The following ZNF219 variants were observed in gnomAD, a reference collection of about 807,000 sequenced individuals.
ZNF219 encodes the protein zinc finger protein 219.
Under a neutral mutation model 54.4 loss-of-function variants are expected in ZNF219, and 17 were observed. The observed-to-expected ratio is 0.31, with a 90% CI of 0.21 to 0.47. The LOEUF (loss-of-function observed/expected upper bound fraction) is 0.47, where lower values mean the gene tolerates loss of function less well. Among genes scored for constraint, ZNF219 ranks in the 20% least tolerant of loss-of-function variants. ZNF219 has a pLI of 1.00. For missense variants in ZNF219, 1,014 were observed against 1,062.3 expected, an observed-to-expected ratio of 0.95 and a Z score of 0.63; for synonymous variants, 518 against 476.4, an observed-to-expected ratio of 1.09 and a Z score of -1.14.
At chr14:21,099,685 A>G (rs1213211347), upstream of ZNF219, among the ~76,000 whole-genome samples, 2 of 152,196 alleles carry the variant, frequency 1.3e-5, no homozygotes, top group Non-Finnish European at 2.9e-5. Flanking sequence ...AGCCACTAAC[A>G]TTGAGCACTT....
In ZNF219 at chr14:21,091,853, G is replaced by A. The variant is rs1004552405; in HGVS notation, c.1432+12C>T. 1 of 1,512,476 alleles carries A rather than the reference G, an allele frequency of 6.6e-7. No individual in the cohort carries two copies. The allele number at this position is 1,512,476 out of a possible 1,614,324, so 93.7% of individuals were successfully genotyped here. A position where few individuals can be genotyped will look rare whatever the true frequency, so the allele number is the denominator to read the frequency against. ...ACGCGGCGTACCCGGAGAGCGGAGG[G>A]TACCTACATACCCTGCGTGGCGGTC... On this transcript the variant is annotated intron_variant, in intron 3 of 4. Coordinates refer to ENST00000360947, the MANE Select transcript of ZNF219 (RefSeq NM_016423.3).
At chr14:21,102,836 C>T, upstream of ZNF219, 1 of 1,530,010 alleles carries the variant, frequency 6.5e-7, no homozygotes, top group Non-Finnish European at 8.8e-7. Flanking sequence ...TTTTCCACTG[C>T]CTATCCTGGT....
chr14:21,104,262 G>A (rs1307850684), intron 1 of ZNF219: 1 of 152,268 alleles, frequency 6.6e-6, no homozygotes, highest in Non-Finnish European at 1.5e-5. Flanking sequence ...CGCGGGAGCG[G>A]GACTGCGCAG....
upstream of ZNF219, chr14:21,103,582 C>T (rs1165605268): frequency 7.1e-6 from 2 of 281,414 alleles, no homozygotes; most frequent in South Asian, 3.9e-5. Flanking sequence ...ACCCTGCACA[C>T]GCCAACTCCC....
intron 1 of ZNF219, chr14:21,094,521 G>A (rs1889170764): frequency 2.4e-6 from 1 of 424,712 alleles, no homozygotes; most frequent in Non-Finnish European, 4.7e-6. Context: ...CCTCACACAA[G>A]AGGAGGATTA....
At chr14:21,102,275 AG>A, upstream of ZNF219, 2 of 1,406,366 alleles carry the variant, frequency 1.4e-6, no homozygotes, top group Non-Finnish European at 1.9e-6. Context: ...AAAAAAGTTA[AG>A]AGGGCTTATG....
At chr14:21,100,095 G>A (rs1889538843), upstream of ZNF219, among the ~76,000 whole-genome samples, 1 of 152,138 alleles carries the variant, frequency 6.6e-6, no homozygotes, top group Non-Finnish European at 1.5e-5. Context: ...AGACACAGTG[G>A]CCCACACCTG....
rs1888755183 is a variant in ZNF219, at chr14:21,090,570, G to T, written c.2135C>A (p.Pro712His). The T allele has an allele frequency of 6.2e-7, 1 of 1,606,948 alleles. No homozygotes were observed. Among genetic ancestry groups the T allele is most frequent in the Admixed American group, 1.7e-5 (1 of 59,744 alleles). The change falls in exon 5 of 5, where the codon CCC (proline) becomes CAC (histidine). Residue 712 changes from proline (P) to histidine (H), a missense_variant. This residue lies in a region of ZNF219 where 281 missense variants were observed against 271.2 expected (regional missense o/e 1.04). Coordinates refer to ENST00000360947, the MANE Select transcript of ZNF219 (RefSeq NM_016423.3). The surrounding 1 kb of genome is among the most constrained non-coding windows in gnomAD (Gnocchi z 4.4). Reference sequence around the variant, plus strand: ...TTGCCCCCCCAGCCCTGCCTCTCCGGGTCTGGACAGCCCGGAGCCCTCCTC... The same window carrying T: ...TTGCCCCCCCAGCCCTGCCTCTCCGTGTCTGGACAGCCCGGAGCCCTCCTC... ...EGEEGSGLSR[P>H]GEAGLGGQER
In ZNF219 at chr14:21,092,279, G is replaced by T. The variant is rs1327639190; in HGVS notation, c.1018C>A (p.Pro340Thr). 6.7e-7 allele frequency: 1 copy of T among 1,500,748 alleles called. No homozygotes were observed. The highest frequency in any genetic ancestry group is 2.1e-5 in the Admixed American group (1 of 47,556). 93.0% of individuals were successfully genotyped at this position (1,500,748 alleles called of 1,614,324 possible). A position where few individuals can be genotyped will look rare whatever the true frequency, so the allele number is the denominator to read the frequency against. ...PLRAPGPASG[P>T]ARAPQPPDLG... ...TCAGGAGGCTGGGGGGCGCGGGCAG[G>T]CCCGGAGGCAGGCCCCGGGGCACGC... is the stretch of plus-strand genomic sequence containing the variant. The change falls in exon 3 of 5, where the codon CCT (proline) becomes ACT (threonine). Residue 340 changes from proline to threonine, a missense_variant. Physicochemically the swap from Pro to Thr is conservative, Grantham distance 38. This residue lies in a region of ZNF219 where 272 missense variants were observed against 248.9 expected (regional missense o/e 1.09). Transcript: ENST00000360947.
chr14:21,101,990 A>T, upstream of ZNF219: 1 of 1,550,868 alleles, frequency 6.4e-7, no homozygotes, highest in Non-Finnish European at 8.7e-7. Flanking sequence ...GACCCACCAC[A>T]AGGGAGGGTG....
intron 1 of ZNF219, chr14:21,093,887 C>A (rs922364954): frequency 1.5e-5 from 8 of 537,370 alleles, no homozygotes; most frequent in Non-Finnish European, 2.3e-5. Flanking sequence ...GATTTCTTCC[C>A]CAAATTCTAT....
rs1458373598 is a variant in ZNF219 at position 21,090,627 on chromosome 14, C to T, written c.2078G>A (p.Gly693Glu). The T allele has an allele frequency of 6.2e-7, 1 of 1,612,566 alleles. No individual in the cohort carries two copies. The highest frequency in any genetic ancestry group is 8.5e-7 in the Non-Finnish European group (1 of 1,179,776). ...CTGCGAAGGACTGGGAGGGGTCTCT[C>T]CTGATGGTACTCGGGCATAGGGCGG... ...ASPPYARVPS[G>E]ETPPSPSQEG... The change falls in exon 5 of 5, where the codon GGA becomes GAA. Residue 693 changes from glycine to glutamate, a missense_variant. By Grantham distance (98) the Gly-to-Glu change is moderately conservative. This residue lies in a region of ZNF219 where 281 missense variants were observed against 271.2 expected (regional missense o/e 1.04). Coordinates refer to ENST00000360947, the MANE Select transcript of ZNF219 (RefSeq NM_016423.3). This position sits in a 1 kb window ranked among gnomAD's most constrained non-coding sequence, Gnocchi z 4.4.
At chr14:21,102,568 G>A (rs1176876872), upstream of ZNF219, 4 of 1,551,402 alleles carry the variant, frequency 2.6e-6, no homozygotes, top group African/African-American at 1.4e-5. Context: ...GAGGAGGTGG[G>A]AAGGGAAAAG....
chr14:21,092,144 G>A lies in ZNF219; in HGVS notation c.1153C>T (p.Arg385Ter). ...PPSLLGYLSL[R>*]AGEGRPNGEG... is the part of the protein sequence containing the mutation. The stretch of plus-strand genomic sequence containing the variant: ...CCGTTGGGCCGGCCCTCGCCAGCTC[G>A]CAGGCTCAGGTAGCCCAAGAGGCTC... Residue 385 changes from arginine (R) to a stop codon, truncating the protein, a stop_gained, in exon 3 of 5, where the codon CGA becomes TGA. Coordinates refer to ENST00000360947, the MANE Select transcript of ZNF219 (RefSeq NM_016423.3). LOFTEE classifies it high-confidence loss of function. The A allele has an allele frequency of 6.7e-7, 1 of 1,487,894 alleles. No individual in the cohort carries two copies. The highest frequency in any genetic ancestry group is 8.9e-7 in the Non-Finnish European group (1 of 1,123,904). 92.2% of individuals were successfully genotyped at this position (1,487,894 alleles called of 1,614,324 possible). A position where few individuals can be genotyped will look rare whatever the true frequency, so the allele number is the denominator to read the frequency against.
chr14:21,091,666 G>A (rs1888885546), intron 3 of ZNF219, 124 bp from the exon 4 acceptor site: 2 of 1,480,400 alleles, frequency 1.4e-6, no homozygotes, highest in South Asian at 1.4e-5. Flanking sequence ...CAAAGTCTGA[G>A]GGGTTAGATT....
chr14:21,090,930 G>A lies in ZNF219; in HGVS notation c.1775C>T (p.Ser592Leu), dbSNP rs777243027. The A allele has an allele frequency of 1.9e-6, 3 of 1,547,198 alleles. No individual in the cohort carries two copies. The highest frequency in any genetic ancestry group is 2.6e-6 in the Non-Finnish European group (3 of 1,150,954). ...PQPATWVEGA[S>L]SPRPPSSGAG... ...ACCGCTAGAAGGAGGCCGGGGACTT[G>A]AGGCGCCCTCCACCCAGGTCGCAGG... Residue 592 changes from serine to leucine, a missense_variant, in exon 5 of 5, where the codon TCA becomes TTA. This residue lies in a region of ZNF219 where 281 missense variants were observed against 271.2 expected (regional missense o/e 1.04). Coordinates refer to ENST00000360947, the MANE Select transcript of ZNF219 (RefSeq NM_016423.3). This position sits in a 1 kb window ranked among gnomAD's most constrained non-coding sequence, Gnocchi z 4.4.
At chr14:21,101,847 C>T (rs368718917), upstream of ZNF219, 14 of 1,547,344 alleles carry the variant, frequency 9.0e-6, no homozygotes, top group East Asian at 3.4e-4. Context: ...TCCCCAATTA[C>T]CCTACCCTTA....
intron 3 of ZNF219, 24 bp downstream of exon 3, chr14:21,091,841 G>A (rs745834162): frequency 6.7e-7 from 1 of 1,494,110 alleles, no homozygotes; most frequent in Non-Finnish European, 8.9e-7. Context: ...CGGCGTACCC[G>A]GAGAGCGGAG....
chr14:21,094,289 G>C, intron 1 of ZNF219: 1 of 442,208 alleles, frequency 2.3e-6, no homozygotes, highest in Middle Eastern at 3.4e-4. Context: ...GGGCATGAAG[G>C]GGGAGGGAGC....
Sources: allele counts gnomAD v4.1 joint callset (sites outside exome capture counted in the v4.1 genomes callset), GRCh38; gene constraint gnomAD v4.1.1; regional missense constraint gnomAD v4.1.1; non-coding constraint Gnocchi (gnomAD v3.1); transcripts MANE v1.5; gene names NCBI Gene and HGNC (gene_info 2026-07-23, HGNC 2026-07-21).